Variants in SETD5 observed in about 807,000 individuals in gnomAD.
SETD5 encodes the protein SET domain containing 5.
SETD5 carries 44 observed loss-of-function variants against 153.3 expected under a neutral mutation model. That is an observed-to-expected ratio of 0.29 (90% confidence interval 0.23 to 0.37). The LOEUF (loss-of-function observed/expected upper bound fraction) is 0.37, where lower values mean the gene tolerates loss of function less well. Among genes scored for constraint, SETD5 ranks in the 10% least tolerant of loss-of-function variants. The pLI is 1.00. For missense variants in SETD5, 1,544 were observed against 1,768.0 expected (o/e 0.87, Z 2.27); for synonymous variants, 716 against 645.2 (o/e 1.11, Z -1.66).
intron 16 of SETD5, among the ~76,000 whole-genome samples, chr3:9,452,659 A>ATTTTTTTTTTTTTTTTTTTTTTTTTTT: frequency 1.7e-5 from 1 of 59,824 alleles, no homozygotes; most frequent in Non-Finnish European, 3.2e-5. Context: ...ATGATGTAAG[A>ATTTTTTTTTTTTTTTTTTTTTTTTTTT]TTTTTTTTTT....
At position 9,434,404 on chromosome 3, in the gene SETD5, A is replaced by G. The variant is rs367751379; in HGVS notation, c.248A>G (p.Asn83Ser). 6 of 1,613,754 alleles carry G rather than the reference A, an allele frequency of 3.7e-6. No homozygotes were observed. The African/African-American group carries it at 6.7e-5, about 18-fold the overall frequency. ...GAGGAACGCTGTGGAGACAGCCCGA[A>G]CTCTGAAGGAGAAACTGTACCTACC... ...PVEERCGDSPNSEGETVPTWC... is the reference protein window; with the variant it reads ...PVEERCGDSPSSEGETVPTWC... Residue 83 changes from asparagine to serine, a missense_variant, in exon 5 of 23, where the codon AAC becomes AGC. Asn to Ser is a conservative substitution (Grantham distance 46). Transcript: ENST00000402198. The surrounding 1 kb of genome is among the most constrained non-coding windows in gnomAD (Gnocchi z 5.6).
chr3:9,423,984 G>T (rs1240737158), intron 1 of SETD5, among the ~76,000 whole-genome samples: 1 of 152,100 alleles, frequency 6.6e-6, no homozygotes, highest in Admixed American at 6.5e-5. Flanking sequence ...GAAACTAGAT[G>T]GTGTGGAATG....
At chr3:9,447,028 C>T (rs1368717840) in intron 13 of SETD5, 22 bp from the exon 14 acceptor site, 9 of 1,584,900 alleles carry the variant, frequency 5.7e-6, no homozygotes, top group African/African-American at 2.7e-5. Context: ...CTTCCTTCTA[C>T]ACCAGTACTA....
intron 3 of SETD5, chr3:9,431,650 T>C (rs2039979773): frequency 1.0e-6 from 1 of 985,660 alleles, no homozygotes; most frequent in Non-Finnish European, 1.2e-6. Context: ...CTAGAAAGTA[T>C]TGTGCAGTGT....
In SETD5 at chr3:9,474,430, C is replaced by T; in HGVS notation, c.3498-19C>T. On this transcript the variant is annotated intron_variant, in intron 20 of 22. Coordinates refer to ENST00000402198, the MANE Select transcript of SETD5 (RefSeq NM_001080517.3). ...GGTTAAGTCCTGTGGCTTGAACTTG[C>T]ACCCTGTTGCCTTTACAGGATGGTT... 6 of 1,611,646 alleles carry T rather than the reference C, an allele frequency of 3.7e-6. No homozygotes were observed. The highest frequency in any genetic ancestry group is 5.1e-6 in the Non-Finnish European group (6 of 1,178,864).
intron 18 of SETD5, among the ~76,000 whole-genome samples, chr3:9,469,238 A>G (rs904955950): frequency 1.7e-4 from 26 of 152,176 alleles, no homozygotes; most frequent in Admixed American, 9.8e-4. Context: ...TCTCTTTAGG[A>G]TATCAGTAGA....
intron 1 of SETD5, among the ~76,000 whole-genome samples, chr3:9,421,865 A>G (rs2038461293): frequency 6.6e-6 from 1 of 152,162 alleles, no homozygotes; most frequent in Admixed American, 6.5e-5. Flanking sequence ...ATATAGAAGT[A>G]ATAGATTGGG....
Position 9,446,011 on chromosome 3 carries a change from G to A in SETD5, c.1524+271G>A, listed in dbSNP as rs28702016. 4.5e-3 allele frequency among the ~76,000 whole-genome samples: 629 copies of A among 138,596 alleles called. 5 individuals carry two copies. The highest frequency in any genetic ancestry group is 0.016 in the African/African-American group (557 of 35,282). 90.9% of individuals were successfully genotyped at this position (138,596 alleles called of 152,430 possible). A position where few individuals can be genotyped will look rare whatever the true frequency, so the allele number is the denominator to read the frequency against. On this transcript the variant is annotated intron_variant, in intron 13 of 22. Coordinates refer to ENST00000402198, the MANE Select transcript of SETD5 (RefSeq NM_001080517.3). ...TTTACTAACAATCTGGTTTCCGCTG[G>A]GCGCGGTGGCTCACGCCTGTAATCC... is the stretch of plus-strand genomic sequence containing the variant.
intron 2 of SETD5, among the ~76,000 whole-genome samples, chr3:9,425,051 G>GTTTTTTTTTTTTTTTTTTTT (rs1559380190): frequency 1.2e-4 from 11 of 91,410 alleles, no homozygotes; most frequent in African/African-American, 5.5e-4. Context: ...TACCGACAAT[G>GTTTTTTTTTTTTTTTTTTTT]TTTCTTTTTT....
At chr3:9,439,286 G>A (rs1213791651) in intron 7 of SETD5, among the ~76,000 whole-genome samples, 1 of 152,176 alleles carries the variant, frequency 6.6e-6, no homozygotes, top group Non-Finnish European at 1.5e-5. Context: ...AAGAAATGTG[G>A]AGACAATAGT....
intron 18 of SETD5, among the ~76,000 whole-genome samples, chr3:9,466,237 G>A (rs751978039): frequency 2.8e-5 from 4 of 145,102 alleles, no homozygotes; most frequent in Admixed American, 7.1e-5. Flanking sequence ...GCAGTGAGCC[G>A]AGATCGCGCC....
At chr3:9,460,397 C>T (rs1265622948) in intron 17 of SETD5, among the ~76,000 whole-genome samples, 3 of 150,998 alleles carry the variant, frequency 2.0e-5, no homozygotes, top group African/African-American at 7.3e-5. Flanking sequence ...TCAAATTACT[C>T]CTGAATTTCA....
intron 7 of SETD5, among the ~76,000 whole-genome samples, chr3:9,438,917 C>T (rs942213123): frequency 5.9e-5 from 9 of 152,228 alleles, no homozygotes; most frequent in Non-Finnish European, 1.2e-4. Context: ...AAATTTCCCT[C>T]AATTGAGAAC....
At chr3:9,428,734 A>G (rs2039617235) in intron 2 of SETD5, 89 bp from the exon 3 acceptor site, 2 of 379,870 alleles carry the variant, frequency 5.3e-6, no homozygotes. Context: ...AGAATGCAGA[A>G]AAATATTCAG....
In SETD5 at chr3:9,476,015, G is replaced by A. The variant is rs372048733; in HGVS notation, c.4253G>A (p.Gly1418Glu). The A allele has an allele frequency of 3.1e-6, 5 of 1,613,900 alleles. No homozygotes were observed. In the African/African-American group the frequency reaches 5.3e-5, roughly 17 times the overall value. Residue 1418 changes from glycine to glutamate, a missense_variant, in exon 23 of 23, where the codon GGG (glycine) becomes GAG (glutamate). Gly to Glu is a moderately conservative substitution (Grantham distance 98). Transcript: ENST00000402198. Reference protein sequence around the residue: ...VSNSQHYPHRGSGGVHQYRLQ... With the variant: ...VSNSQHYPHRESGGVHQYRLQ... Reference sequence around the variant, plus strand: ...AATTCACAGCACTACCCACACCGTGGGAGTGGGGGTGTGCACCAGTACCGA... The same window carrying A: ...AATTCACAGCACTACCCACACCGTGAGAGTGGGGGTGTGCACCAGTACCGA...
At chr3:9,414,478 G>T (rs796322206) in intron 1 of SETD5, among the ~76,000 whole-genome samples, 1 of 152,098 alleles carries the variant, frequency 6.6e-6, no homozygotes, top group African/African-American at 2.4e-5. Context: ...TTGCTGCTTG[G>T]CACAACAGGT....
chr3:9,413,348 A>G (rs1391623088), intron 1 of SETD5, among the ~76,000 whole-genome samples: 1 of 152,232 alleles, frequency 6.6e-6, no homozygotes, highest in Non-Finnish European at 1.5e-5. Flanking sequence ...TAGTGTGTTC[A>G]GTGTGCAATA....
rs1346005775 is a variant in SETD5, at chr3:9,475,237, G to T, written c.3720+81G>T. The T allele has an allele frequency of 2.2e-6, 3 of 1,351,830 alleles. No individual in the cohort carries two copies. In the African/African-American group the frequency reaches 4.4e-5, roughly 20 times the overall value. The allele number at this position is 1,351,830 out of a possible 1,614,324, so 83.7% of individuals were successfully genotyped here. A position where few individuals can be genotyped will look rare whatever the true frequency, so the allele number is the denominator to read the frequency against. ...TGTCCTGGTCATCCTTTGCCATTGA[G>T]ATGCTGTCTTTGCATATAGTTTCAG... On this transcript the variant is annotated intron_variant, in intron 22 of 22. Transcript: ENST00000402198.
chr3:9,464,116 A>G (rs2044290899), intron 17 of SETD5, among the ~76,000 whole-genome samples: 1 of 152,228 alleles, frequency 6.6e-6, no homozygotes, highest in South Asian at 2.1e-4. Context: ...CGACAGAGCA[A>G]GGCTCTGTCT....
Sources: gnomAD v4.1 joint callset for allele counts (sites outside exome capture counted in the v4.1 genomes callset) on GRCh38, gnomAD v4.1.1 for gene constraint, Gnocchi (gnomAD v3.1) non-coding constraint, MANE v1.5 for transcripts, NCBI Gene and HGNC (gene_info 2026-07-23, HGNC 2026-07-21) for gene names.